Variants in ZNF485 observed in about 807,000 individuals in gnomAD.
ZNF485 encodes the protein Zinc finger protein 93 (Zinc finger protein HTF34).
Under a neutral mutation model 10.8 loss-of-function variants are expected in ZNF485, and 9 were observed. That is an observed-to-expected ratio of 0.83 (90% CI 0.50 to 1.45). The LOEUF (loss-of-function observed/expected upper bound fraction) is 1.45. ZNF485 is among the 40% of genes most tolerant of loss of function. The probability of loss-of-function intolerance (pLI) is 0.00; values close to 1 mark genes in which losing one functional copy is unlikely to be tolerated. For synonymous variants in ZNF485, 187 were observed against 181.0 expected (o/e 1.03, Z -0.27); for missense variants, 487 against 528.0 (o/e 0.92, Z 0.76).
chr10:43,616,801 A>G lies in ZNF485; in HGVS notation c.758A>G (p.Gln253Arg), dbSNP rs751378480. 3.1e-6 allele frequency: 5 copies of G among 1,614,136 alleles called. No individual in the cohort carries two copies. The highest frequency in any genetic ancestry group is 4.2e-6 in the Non-Finnish European group (5 of 1,179,990). The change falls in exon 5 of 5, where the codon CAG (glutamine) becomes CGG (arginine). Residue 253 changes from glutamine (Q) to arginine (R), a missense_variant. Physicochemically the swap from Gln to Arg is conservative, Grantham distance 43 (BLOSUM62 1). Transcript: ENST00000361807. ...AATGACTGTGGGAAAGCCTTCGCTC[A>G]GAATGCAGCTCTTACTCGTCATGAA... The part of the protein sequence containing the change: ...KCNDCGKAFA[Q>R]NAALTRHERI...
rs559737068 is a variant in ZNF485 at position 43,606,518 on chromosome 10, C to G, written c.-83C>G. On this transcript the variant is annotated 5_prime_UTR_variant, in exon 1 of 5. Coordinates refer to ENST00000361807, the MANE Select transcript of ZNF485 (RefSeq NM_145312.4). ...TGTGGTCGCTGACTCTCTGGGCGTG[C>G]AGCTCCGCAGCCCTGCCGGCTCGGT... The G allele has an allele frequency of 6.0e-6, 2 of 333,878 alleles. No individual in the cohort carries two copies. Among genetic ancestry groups the G allele is most frequent in the Non-Finnish European group, 5.6e-6 (1 of 178,092 alleles). 20.7% of individuals were successfully genotyped at this position (333,878 alleles called of 1,614,324 possible). A position where few individuals can be genotyped will look rare whatever the true frequency, so the allele number is the denominator to read the frequency against.
chr10:43,607,561 T>A (rs1190320537), intron 2 of ZNF485, among the ~76,000 whole-genome samples: 1 of 152,230 alleles, frequency 6.6e-6, no homozygotes, highest in Non-Finnish European at 1.5e-5. Flanking sequence ...ATTCATGGTC[T>A]AGAATCCCAG....
Position 43,609,362 on chromosome 10 carries a change from G to A in ZNF485, c.247+12G>A, listed in dbSNP as rs575527991. ...AGGCACACATGCAGGTGAGTGGGTG[G>A]GGAACATCCCAGCAGAAGCTGAGCA... On this transcript the variant is annotated intron_variant, in intron 4 of 4. Coordinates refer to ENST00000361807, the MANE Select transcript of ZNF485 (RefSeq NM_145312.4). 1.2e-6 allele frequency: 2 copies of A among 1,609,708 alleles called. No homozygotes were observed. The highest frequency in any genetic ancestry group is 1.7e-5 in the Admixed American group (1 of 60,002).
intron 2 of ZNF485, among the ~76,000 whole-genome samples, chr10:43,608,226 TC>T (rs1306625228): frequency 6.6e-6 from 1 of 152,136 alleles, no homozygotes; most frequent in African/African-American, 2.4e-5. Context: ...ACCCACACTG[TC>T]CCCCTGGAGC....
intron 3 of ZNF485, 21 bp downstream of exon 3, chr10:43,608,761 G>T (rs1838708286): frequency 6.2e-7 from 1 of 1,611,622 alleles, no homozygotes; most frequent in African/African-American, 1.3e-5. Context: ...CTTTCTCCTT[G>T]ACTCAGGATT....
Position 43,617,609 on chromosome 10 carries a change from C to A in ZNF485, c.*240C>A. 2.7e-6 allele frequency: 1 copy of A among 370,212 alleles called. No homozygotes were observed. The highest frequency in any genetic ancestry group is 4.9e-6 in the Non-Finnish European group (1 of 206,066). 22.9% of individuals were successfully genotyped at this position (370,212 alleles called of 1,614,324 possible). ...ATGAGGTGGAGCTGTAAATACTGTA[C>A]AAAGCCAGGCATGGTGGCATATGCC... is the stretch of plus-strand genomic sequence containing the variant. On this transcript the variant is annotated 3_prime_UTR_variant, in exon 5 of 5. Coordinates refer to ENST00000361807, the MANE Select transcript of ZNF485 (RefSeq NM_145312.4).
intron 4 of ZNF485, among the ~76,000 whole-genome samples, chr10:43,614,613 A>G (rs1838822567): frequency 6.6e-6 from 1 of 152,148 alleles, no homozygotes; most frequent in Admixed American, 6.5e-5. Flanking sequence ...CATTTGATCA[A>G]TCCCTTTCTT....
chr10:43,606,938 A>G (rs1000628163), intron 1 of ZNF485, 59 bp from the exon 2 acceptor site: 10 of 1,382,380 alleles, frequency 7.2e-6, no homozygotes, highest in Non-Finnish European at 9.0e-6. Flanking sequence ...TCTAGAGGGC[A>G]GATTCTAGCT....
chr10:43,607,337 T>A (rs911050384), intron 2 of ZNF485: 10 of 587,490 alleles, frequency 1.7e-5, no homozygotes, highest in Non-Finnish European at 3.0e-5. Flanking sequence ...CGTTAGCATG[T>A]AAAGACGTAG....
chr10:43,616,666 A>G lies in ZNF485; in HGVS notation c.623A>G (p.His208Arg). 6.2e-7 allele frequency: 1 copy of G among 1,614,220 alleles called. No individual in the cohort carries two copies. The highest frequency in any genetic ancestry group is 8.5e-7 in the Non-Finnish European group (1 of 1,180,046). ...HSTFINHQRI[H>R]SREKPHKCIE... Reference sequence around the variant, plus strand: ...ACGTTTATCAACCATCAGAGAATTCATTCTAGGGAGAAACCCCACAAATGC... The same window carrying G: ...ACGTTTATCAACCATCAGAGAATTCGTTCTAGGGAGAAACCCCACAAATGC... The change falls in exon 5 of 5, where the codon CAT becomes CGT. Residue 208 changes from histidine (H) to arginine (R), a missense_variant. Transcript: ENST00000361807.
chr10:43,614,205 C>G (rs1838813574), intron 4 of ZNF485, among the ~76,000 whole-genome samples: 1 of 149,730 alleles, frequency 6.7e-6, no homozygotes, highest in African/African-American at 2.5e-5. Flanking sequence ...CAGAGTGAGA[C>G]TCCGTATCAA....
intron 2 of ZNF485, among the ~76,000 whole-genome samples, chr10:43,608,038 G>T (rs1838686810): frequency 6.6e-6 from 1 of 152,152 alleles, no homozygotes; most frequent in South Asian, 2.1e-4. Context: ...CTTATGAAAA[G>T]CAATTTTTTT....
intron 2 of ZNF485, among the ~76,000 whole-genome samples, chr10:43,608,256 T>C (rs2132345960): frequency 6.6e-6 from 1 of 152,340 alleles, no homozygotes; most frequent in Non-Finnish European, 1.5e-5. Context: ...GAGAGGATGC[T>C]GACAGTCAGT....
chr10:43,608,815 G>C (rs969344375), intron 3 of ZNF485, 75 bp downstream of exon 3: 10 of 1,553,022 alleles, frequency 6.4e-6, no homozygotes, highest in Non-Finnish European at 8.7e-6. Flanking sequence ...GAATGGTTTG[G>C]GGTATTGAAA....
intron 3 of ZNF485, 135 bp downstream of exon 3, chr10:43,608,875 A>G: frequency 3.2e-6 from 4 of 1,234,794 alleles, no homozygotes; most frequent in Non-Finnish European, 4.5e-6. Context: ...GTATGGGCTT[A>G]GAGGCTGGAG....
At position 43,616,982 on chromosome 10, in the gene ZNF485, T is replaced by C; in HGVS notation, c.939T>C (p.Leu313=). 6.2e-7 allele frequency: 1 copy of C among 1,614,142 alleles called. No individual in the cohort carries two copies. Among genetic ancestry groups the C allele is most frequent in the Non-Finnish European group, 8.5e-7 (1 of 1,180,036 alleles). The change falls in exon 5 of 5, where the codon CTT becomes CTC. Residue 313 remains leucine (L), a synonymous_variant. Coordinates refer to ENST00000361807, the MANE Select transcript of ZNF485 (RefSeq NM_145312.4). ...AAGCCTTTAGGAAGAGCTCAACTCT[T>C]ATTAGTCACCAAAGAATGCATACTG... is the stretch of plus-strand genomic sequence containing the variant. ...CGKAFRKSST[L]ISHQRMHTGE... is the part of the protein sequence containing the mutation.
chr10:43,608,222 A>G (rs1411202497), intron 2 of ZNF485, among the ~76,000 whole-genome samples: 2 of 152,202 alleles, frequency 1.3e-5, no homozygotes, highest in Non-Finnish European at 2.9e-5. Context: ...AGTGACCCAC[A>G]CTGTCCCCCT....
Position 43,607,056 on chromosome 10 carries a change from C to T in ZNF485, c.6C>T (p.Ala2=). The change falls in exon 2 of 5, where the codon GCC becomes GCT. Residue 2 remains alanine (A), a synonymous_variant. Coordinates refer to ENST00000361807, the MANE Select transcript of ZNF485 (RefSeq NM_145312.4). ...GAGAACAGTTCAGGAGACAGATGGC[C>T]CCAAGAGCCCAGATCCAGGCAAGTT... The part of the protein sequence containing the change: M[A]PRAQIQGPLT... 1 of 1,551,800 alleles carries T rather than the reference C, an allele frequency of 6.4e-7. No homozygotes were observed. Among genetic ancestry groups the T allele is most frequent in the Non-Finnish European group, 8.7e-7 (1 of 1,147,028 alleles).
chr10:43,607,075 G>C lies in ZNF485; in HGVS notation c.24+1G>C. ...GATGGCCCCAAGAGCCCAGATCCAG[G>C]CAAGTTTGATTTTTCCATTTCTTGA... On this transcript the variant is annotated splice_donor_variant, in intron 2 of 4. Transcript: ENST00000361807. LOFTEE classifies it high-confidence loss of function. 4 of 1,551,608 alleles carry C rather than the reference G, an allele frequency of 2.6e-6. No homozygotes were observed. Among genetic ancestry groups the C allele is most frequent in the Non-Finnish European group, 3.5e-6 (4 of 1,147,026 alleles).
Sources: allele counts gnomAD v4.1 joint callset (sites outside exome capture counted in the v4.1 genomes callset), GRCh38; gene constraint gnomAD v4.1.1; transcripts MANE v1.5; gene names NCBI Gene and HGNC (gene_info 2026-07-23, HGNC 2026-07-21).